KAZN: variants seen among roughly 807,000 people sequenced by gnomAD.
KAZN encodes kazrin, periplakin interacting protein, also known as kazrin.
In KAZN, 40 loss-of-function variants were observed where a neutral mutation model predicts 87.4. The ratio of observed to expected loss-of-function variants is 0.46; its 90% confidence interval spans 0.36 to 0.60. The LOEUF is 0.60. KAZN is among the 20% of genes least tolerant of loss of function. KAZN has a pLI of 0.00. For missense variants in KAZN, 898 were observed against 1,073.9 expected (o/e 0.84, Z 2.29); for synonymous variants, 466 against 458.3 (o/e 1.02, Z -0.22).
intron 2 of KAZN, among the ~76,000 whole-genome samples, chr1:14,514,866 G>C (rs2148454502): frequency 6.6e-6 from 1 of 151,998 alleles, no homozygotes; most frequent in East Asian, 1.9e-4. Flanking sequence ...ACACTGTTTT[G>C]TGTTGATGGA....
At chr1:14,507,321 TG>T (rs1386500832) in intron 2 of KAZN, among the ~76,000 whole-genome samples, 1 of 152,212 alleles carries the variant, frequency 6.6e-6, no homozygotes, top group East Asian at 1.9e-4. Flanking sequence ...TTCAGTAGAA[TG>T]GGGGCTTTGT....
chr1:14,357,405 AC>A (rs1437566955), intron 2 of KAZN, among the ~76,000 whole-genome samples: 2 of 152,126 alleles, frequency 1.3e-5, no homozygotes, highest in African/African-American at 4.8e-5. Context: ...CTATTGGAAT[AC>A]CCTTTATTTC....
Position 14,773,136 on chromosome 1 carries a change from A to G in KAZN, c.226+173913A>G, listed in dbSNP as rs570213475. Among the ~76,000 whole-genome samples, 10 of 152,284 alleles carry G rather than the reference A, an allele frequency of 6.6e-5. No individual in the cohort carries two copies. The highest frequency in any genetic ancestry group is 2.4e-4 in the African/African-American group (10 of 41,546). ...GAGAGAAAAGGTTGCCCTCTCCTGC[A>G]TGTGGAAGAAGCTTGGCAAGATTAG... is the stretch of plus-strand genomic sequence containing the variant. On this transcript the variant is annotated intron_variant, in intron 1 of 14. Coordinates refer to ENST00000376030, the MANE Select transcript of KAZN (RefSeq NM_201628.3). The surrounding 1 kb of genome is among the most constrained non-coding windows in gnomAD (Gnocchi z 5.9).
At chr1:14,196,448 T>C (rs140673448) in intron 2 of KAZN, among the ~76,000 whole-genome samples, 104 of 152,254 alleles carry the variant, frequency 6.8e-4, no homozygotes, top group African/African-American at 2.4e-3. Flanking sequence ...ATGGACAACT[T>C]CTGGAATTCC....
chr1:14,267,679 A>G (rs983389683), intron 2 of KAZN, among the ~76,000 whole-genome samples: 2 of 152,336 alleles, frequency 1.3e-5, no homozygotes, highest in Non-Finnish European at 2.9e-5. Flanking sequence ...TATACCCAGA[A>G]AAGCTATAAT....
intron 2 of KAZN, among the ~76,000 whole-genome samples, chr1:14,218,945 C>T (rs1380599766): frequency 3.3e-5 from 5 of 152,092 alleles, no homozygotes; most frequent in Admixed American, 3.3e-4. Context: ...CCGTACATCA[C>T]ATGGCTGTGA....
chr1:14,508,765 T>G (rs1174705656), intron 2 of KAZN, among the ~76,000 whole-genome samples: 1 of 152,188 alleles, frequency 6.6e-6, no homozygotes, highest in Non-Finnish European at 1.5e-5. Flanking sequence ...CGTTCTCCCT[T>G]CATGGTTTCA....
Position 15,077,082 on chromosome 1 carries a change from G to A in KAZN, c.1222+11329G>A, listed in dbSNP as rs186899923. Among the ~76,000 whole-genome samples, 2 of 152,354 alleles carry A rather than the reference G, an allele frequency of 1.3e-5. No individual in the cohort carries two copies. The highest frequency in any genetic ancestry group is 2.9e-5 in the Non-Finnish European group (2 of 68,040). ...GGCTGCTCGGAGCAATGCCAGCCTG[G>A]TGTTTCCAGAGCTCCAGATCTTCTA... On this transcript the variant is annotated intron_variant, in intron 8 of 14. Transcript: ENST00000376030. The surrounding 1 kb of genome is among the most constrained non-coding windows in gnomAD (Gnocchi z 4.8).
At chr1:14,366,415 C>G (rs1482454785) in intron 2 of KAZN, among the ~76,000 whole-genome samples, 17 of 152,220 alleles carry the variant, frequency 1.1e-4, no homozygotes, top group Non-Finnish European at 2.9e-5. Flanking sequence ...ATATAGGAAA[C>G]TTGGAAGATT....
chr1:14,107,069 T>TCATC (rs1347370885), intron 1 of KAZN, among the ~76,000 whole-genome samples: 4 of 136,838 alleles, frequency 2.9e-5, no homozygotes, highest in African/African-American at 1.1e-4. Flanking sequence ...CTTCCTTCCT[T>TCATC]CATCTCTCTC....
At chr1:14,754,793 G>A (rs1420262701) in intron 1 of KAZN, among the ~76,000 whole-genome samples, 2 of 152,080 alleles carry the variant, frequency 1.3e-5, no homozygotes, top group African/African-American at 4.8e-5. Flanking sequence ...ATGGGCTTTG[G>A]AGCCTGGTAG....
chr1:13,958,529 G>A (rs2101017377), intron 1 of KAZN, among the ~76,000 whole-genome samples: 1 of 149,750 alleles, frequency 6.7e-6, no homozygotes, highest in African/African-American at 2.5e-5. Flanking sequence ...AGCCGAGATT[G>A]CGCCACTGCA....
At chr1:14,586,453 G>A (rs1488351390) in intron 2 of KAZN, among the ~76,000 whole-genome samples, 2 of 150,534 alleles carry the variant, frequency 1.3e-5, no homozygotes, top group Non-Finnish European at 3.0e-5. Context: ...AAGTTAAATT[G>A]TCTCTCTGGG....
At chr1:13,953,104 G>T (rs1003194812) in intron 1 of KAZN, among the ~76,000 whole-genome samples, 1 of 152,066 alleles carries the variant, frequency 6.6e-6, no homozygotes, top group African/African-American at 2.4e-5. Context: ...CTACAGAACG[G>T]CCCCCGAATT....
chr1:14,854,091 G>A (rs1176903907), intron 1 of KAZN, among the ~76,000 whole-genome samples: 2 of 152,162 alleles, frequency 1.3e-5, no homozygotes, highest in African/African-American at 2.4e-5. Context: ...AGGACCAGGG[G>A]TCTCAGTTCC....
intron 2 of KAZN, among the ~76,000 whole-genome samples, chr1:14,492,508 G>A (rs111768606): frequency 2.1e-3 from 323 of 151,330 alleles, no homozygotes; most frequent in African/African-American, 7.5e-3. Context: ...CTGTTCTACA[G>A]AGGTGGGCAG....
intron 1 of KAZN, among the ~76,000 whole-genome samples, chr1:14,164,228 G>T (rs530348045): frequency 6.6e-6 from 1 of 152,276 alleles, no homozygotes; most frequent in South Asian, 2.1e-4. Flanking sequence ...CAAGCTTAGG[G>T]TTTCTCAGGT....
intron 2 of KAZN, among the ~76,000 whole-genome samples, chr1:14,389,271 A>G (rs181394238): frequency 3.9e-5 from 6 of 152,354 alleles, no homozygotes; most frequent in South Asian, 2.1e-4. Flanking sequence ...AACTAGTACA[A>G]TCACAAAGGA....
intron 1 of KAZN, among the ~76,000 whole-genome samples, chr1:14,673,544 T>C (rs1640040721): frequency 6.6e-6 from 1 of 151,910 alleles, no homozygotes; most frequent in South Asian, 2.1e-4. Context: ...TCCTTCGAGA[T>C]CATCAGGGCC....
Sources: gnomAD v4.1 joint callset for allele counts (sites outside exome capture counted in the v4.1 genomes callset) on GRCh38, gnomAD v4.1.1 for gene constraint, Gnocchi (gnomAD v3.1) non-coding constraint, MANE v1.5 for transcripts, NCBI Gene and HGNC (gene_info 2026-07-23, HGNC 2026-07-21) for gene names.